MICU1: variants seen among roughly 807,000 people sequenced by gnomAD.
The protein encoded by MICU1 is calcium uptake protein 1, mitochondrial.
In MICU1, 45 loss-of-function variants were observed where a neutral mutation model predicts 56.8. The ratio of observed to expected loss-of-function variants is 0.79; its 90% CI spans 0.62 to 1.02. The LOEUF is 1.02. Among genes scored for constraint, MICU1 ranks in the 50% least tolerant of loss-of-function variants. MICU1 has a pLI of 0.00. For synonymous variants in MICU1, 186 were observed against 195.1 expected (o/e 0.95, Z 0.39); for missense variants, 504 against 587.1 (o/e 0.86, Z 1.46).
intron 7 of MICU1, chr10:72,475,828 A>T (rs118095014): frequency 0.018 from 8,171 of 456,590 alleles, 96 homozygotes; most frequent in Non-Finnish European, 0.024. Flanking sequence ...GCTGGTAAGT[A>T]GCAGAATTAG....
intron 9 of MICU1, among the ~76,000 whole-genome samples, chr10:72,409,249 C>G (rs1863729132): frequency 6.6e-6 from 1 of 152,196 alleles, no homozygotes; most frequent in South Asian, 2.1e-4. Flanking sequence ...TGCTGCTCCT[C>G]CTGCAATTTT....
At chr10:72,583,335 C>G (rs1840956929) in intron 1 of MICU1, among the ~76,000 whole-genome samples, 1 of 150,374 alleles carries the variant, frequency 6.7e-6, no homozygotes, top group African/African-American at 2.5e-5. Flanking sequence ...GGCTGGAGTG[C>G]AGTGGTGCCA....
intron 6 of MICU1, among the ~76,000 whole-genome samples, chr10:72,496,073 C>T (rs534169068): frequency 1.3e-5 from 2 of 150,960 alleles, no homozygotes; most frequent in Admixed American, 1.3e-4. Flanking sequence ...CTCAAGCGAT[C>T]CTCCCACCTC....
At chr10:72,560,208 CT>C (rs1840262152) in intron 3 of MICU1, 1 of 152,264 alleles carries the variant, frequency 6.6e-6, no homozygotes. Context: ...TGGTGTGGTG[CT>C]GCCATCTCTC....
chr10:72,425,315 C>T (rs1415315070), intron 8 of MICU1, among the ~76,000 whole-genome samples: 1 of 152,182 alleles, frequency 6.6e-6, no homozygotes, highest in Non-Finnish European at 1.5e-5. Flanking sequence ...CTTTATCTCA[C>T]CAGATAGATT....
intron 8 of MICU1, among the ~76,000 whole-genome samples, chr10:72,471,978 A>G (rs1865966055): frequency 6.6e-6 from 1 of 152,070 alleles, no homozygotes; most frequent in Non-Finnish European, 1.5e-5. Flanking sequence ...TATATTTTAC[A>G]TATAAAAATA....
At chr10:72,550,713 G>C (rs540775205) in intron 4 of MICU1, among the ~76,000 whole-genome samples, 9 of 152,242 alleles carry the variant, frequency 5.9e-5, no homozygotes, top group Admixed American at 5.9e-4. Flanking sequence ...ATTTCCCTCT[G>C]AGCACTGCTT....
At chr10:72,482,386 T>C (rs1483966572) in intron 6 of MICU1, among the ~76,000 whole-genome samples, 1 of 152,210 alleles carries the variant, frequency 6.6e-6, no homozygotes, top group Non-Finnish European at 1.5e-5. Flanking sequence ...ATTCCTGTTT[T>C]AGAATGCTAG....
chr10:72,586,019 T>TTTC (rs1841047918), intron 1 of MICU1, among the ~76,000 whole-genome samples: 1 of 131,650 alleles, frequency 7.6e-6, no homozygotes, highest in Non-Finnish European at 1.6e-5. Context: ...TTTTCTTTTT[T>TTTC]TTTTTTTTTT....
chr10:72,395,621 T>C (rs1863229721), intron 10 of MICU1, among the ~76,000 whole-genome samples: 1 of 152,190 alleles, frequency 6.6e-6, no homozygotes, highest in Non-Finnish European at 1.5e-5. Context: ...GTAGGCAAGG[T>C]GATTCTCTCC....
At chr10:72,600,875 C>G (rs561405818) in intron 1 of MICU1, among the ~76,000 whole-genome samples, 7 of 152,074 alleles carry the variant, frequency 4.6e-5, no homozygotes, top group Non-Finnish European at 1.0e-4. Flanking sequence ...CATATCCCCC[C>G]GTAGATAAGG....
intron 10 of MICU1, among the ~76,000 whole-genome samples, chr10:72,380,993 C>T (rs2132046505): frequency 6.6e-6 from 1 of 152,262 alleles, no homozygotes; most frequent in South Asian, 2.1e-4. Context: ...TCCCTAGGAA[C>T]TCATACCGAC....
chr10:72,381,932 T>C (rs1862716077), intron 10 of MICU1, among the ~76,000 whole-genome samples: 1 of 150,298 alleles, frequency 6.7e-6, no homozygotes, highest in Admixed American at 6.7e-5. Flanking sequence ...AATCACAGTT[T>C]GGTGGAGGAG....
At chr10:72,434,638 G>A (rs1225726191) in intron 8 of MICU1, among the ~76,000 whole-genome samples, 2 of 152,154 alleles carry the variant, frequency 1.3e-5, no homozygotes, top group African/African-American at 4.8e-5. Flanking sequence ...CAGAGAGACT[G>A]TCTGTTAGAA....
intron 2 of MICU1, 72 bp downstream of exon 2, chr10:72,566,561 T>G: frequency 6.8e-7 from 1 of 1,462,550 alleles, no homozygotes; most frequent in Admixed American, 2.4e-5. Context: ...AGAAATCAAC[T>G]CCTTTCTGAC....
At chr10:72,369,875 A>G (rs957024652) in intron 11 of MICU1, among the ~76,000 whole-genome samples, 11 of 150,224 alleles carry the variant, frequency 7.3e-5, no homozygotes, top group Admixed American at 6.0e-4. Context: ...TGCCCGGCTA[A>G]TTTTTGTACA....
intron 1 of MICU1, among the ~76,000 whole-genome samples, chr10:72,590,744 C>T (rs141346018): frequency 0.022 from 3,266 of 151,562 alleles, 118 homozygotes; most frequent in African/African-American, 0.076. Context: ...ACCCGGGAGG[C>T]GGAGGTTGCA....
chr10:72,415,564 A>G (rs1026681682), intron 9 of MICU1, among the ~76,000 whole-genome samples: 1 of 152,100 alleles, frequency 6.6e-6, no homozygotes, highest in Non-Finnish European at 1.5e-5. Flanking sequence ...CAGGTATCTA[A>G]TCTTTCTGAA....
At chr10:72,485,286 C>T (rs1474120209) in intron 6 of MICU1, among the ~76,000 whole-genome samples, 4 of 151,722 alleles carry the variant, frequency 2.6e-5, no homozygotes, top group African/African-American at 9.7e-5. Flanking sequence ...CTATGTTGCC[C>T]GGGCTGGTCT....
Sources: gnomAD v4.1 joint callset for allele counts (sites outside exome capture counted in the v4.1 genomes callset) on GRCh38, gnomAD v4.1.1 for gene constraint, MANE v1.5 for transcripts, NCBI Gene and HGNC (gene_info 2026-07-23, HGNC 2026-07-21) for gene names.